Variants in ZNF157 observed in about 807,000 individuals in gnomAD.
ZNF157 encodes zinc finger protein 22.
A neutral mutation model predicts 9.4 loss-of-function variants in ZNF157; 8 were observed. The ratio of observed to expected loss-of-function variants is 0.85; its 90% CI spans 0.50 to 1.53. ZNF157 has a LOEUF of 1.53. Among genes scored for constraint, ZNF157 ranks in the 40% most tolerant of loss-of-function variants. The probability of loss-of-function intolerance (pLI) is 0.00; values close to 1 mark genes in which losing one functional copy is unlikely to be tolerated. For synonymous variants in ZNF157, 120 were observed against 130.8 expected, an observed-to-expected ratio of 0.92 and a Z score of 0.56; for missense variants, 316 against 385.2, an observed-to-expected ratio of 0.82 and a Z score of 1.50.
rs773931450 is a variant in ZNF157, at chrX:47,370,640, C to T, written c.-29C>T. ...TCTACACACAGACAGCTGTCCAGCA[C>T]GGAAGGTGGGCTGAGGCCCAGGGTG... is the stretch of plus-strand genomic sequence containing the variant. On this transcript the variant is annotated 5_prime_UTR_variant, in exon 1 of 4. In the 5' UTR this introduces an upstream ATG that the reference lacks. Transcript: ENST00000377073. The T allele has an allele frequency of 1.8e-5, 21 of 1,191,434 alleles. No individual in the cohort carries two copies. The highest frequency in any genetic ancestry group is 1.1e-4 in the African/African-American group (6 of 56,322).
At chrX:47,410,825 C>A in intron 3 of ZNF157, 50 bp downstream of exon 3, 1 of 1,018,646 alleles carries the variant, frequency 9.8e-7, no homozygotes, top group Non-Finnish European at 1.4e-6. Context: ...GAAATAAGAG[C>A]CCAGGAATTC....
intron 1 of ZNF157, among the ~76,000 whole-genome samples, chrX:47,376,503 C>T (rs989038496): frequency 9.0e-5 from 10 of 110,844 alleles, no homozygotes; most frequent in Non-Finnish European, 1.1e-4. Context: ...GTAATCCCAG[C>T]TACTTGAGAG....
intron 1 of ZNF157, among the ~76,000 whole-genome samples, chrX:47,383,233 G>T (rs1243817122): frequency 9.3e-6 from 1 of 107,149 alleles, no homozygotes; most frequent in Non-Finnish European, 1.9e-5. Flanking sequence ...TTAGCCAGGC[G>T]TGGTGGCGGG....
In ZNF157 at chrX:47,413,134, G is replaced by A; in HGVS notation, c.1061G>A (p.Gly354Asp). The change falls in exon 4 of 4, where the codon GGT becomes GAT. Residue 354 changes from glycine to aspartate, a missense_variant. Around this residue, in one of 3 missense-constraint regions of ZNF157, gnomAD observed 167 missense variants for 183.6 expected, o/e 0.91. Transcript: ENST00000377073. ...TLNNHQRTHT[G>D]EKPYQCNECG... ...AATAATCATCAAAGAACTCACACAG[G>A]TGAAAAGCCCTATCAGTGTAATGAA... 10 of 1,211,605 alleles carry A rather than the reference G, an allele frequency of 8.3e-6. No homozygotes were observed. The highest frequency in any genetic ancestry group is 1.1e-5 in the Non-Finnish European group (10 of 895,299).
In ZNF157 at chrX:47,409,648, CT is replaced by C. The variant is rs1299438856; in HGVS notation, c.73-615del. ...ATGAGCCACCATGCCCAGCCAGCTT[CT>C]TTTTTTTTTTTTGAGACGGAGTCTT... On this transcript the variant is annotated intron_variant, in intron 1 of 3. Coordinates refer to ENST00000377073, the MANE Select transcript of ZNF157 (RefSeq NM_003446.4). 1.6e-3 allele frequency among the ~76,000 whole-genome samples: 156 copies of C among 98,029 alleles called. 1 individual carries two copies. Among genetic ancestry groups the C allele is most frequent in the Admixed American group, 1.6e-3 (14 of 8,986 alleles). 85.1% of individuals were successfully genotyped at this position (98,029 alleles called of 115,157 possible).
intron 1 of ZNF157, among the ~76,000 whole-genome samples, chrX:47,409,983 C>T (rs150848098): frequency 0.032 from 3,561 of 111,672 alleles, 156 homozygotes; most frequent in African/African-American, 0.11. Flanking sequence ...AACTTGCACA[C>T]GTCCAGGCAC....
chrX:47,400,929 C>A (rs2055928750), intron 1 of ZNF157, among the ~76,000 whole-genome samples: 2 of 111,731 alleles, frequency 1.8e-5, no homozygotes, highest in South Asian at 3.7e-4. Flanking sequence ...AGTACTGGGA[C>A]TATAGGCATG....
chrX:47,412,317 C>T, intron 3 of ZNF157, 52 bp from the exon 4 acceptor site: 1 of 1,030,444 alleles, frequency 9.7e-7, no homozygotes, highest in Non-Finnish European at 1.3e-6. Context: ...ACAAGAGAAG[C>T]CAGTTTGGGA....
Position 47,370,585 on chromosome X carries a change from C to A in ZNF157, c.-84C>A, listed in dbSNP as rs1350759342. 6 of 829,885 alleles carry A rather than the reference C, an allele frequency of 7.2e-6. No individual in the cohort carries two copies. The highest frequency in any genetic ancestry group is 1.0e-5 in the Non-Finnish European group (6 of 591,058). 68.4% of individuals were successfully genotyped at this position (829,885 alleles called of 1,213,427 possible). ...TTGGTGTCTCTGTGGAGCCATTGAG[C>A]CTTACCCCTTACTGGAGGCTGCAGG... On this transcript the variant is annotated 5_prime_UTR_variant, in exon 1 of 4. Coordinates refer to ENST00000377073, the MANE Select transcript of ZNF157 (RefSeq NM_003446.4).
chrX:47,386,020 G>T (rs1181334394), intron 1 of ZNF157, among the ~76,000 whole-genome samples: 3 of 110,900 alleles, frequency 2.7e-5, no homozygotes, highest in African/African-American at 9.8e-5. Flanking sequence ...GTTCTTGCTT[G>T]TTCTCTTCTG....
chrX:47,375,987 T>C (rs1228680115), intron 1 of ZNF157, among the ~76,000 whole-genome samples: 1 of 112,253 alleles, frequency 8.9e-6, no homozygotes, highest in African/African-American at 3.2e-5. Flanking sequence ...TGAGCTATTA[T>C]GCCAGGTCTA....
Position 47,397,704 on chromosome X carries a change from C to T in ZNF157, c.73-12572C>T, listed in dbSNP as rs139585072. On this transcript the variant is annotated intron_variant, in intron 1 of 3. Transcript: ENST00000377073. ...TGCTGGGATTACAGGCGTGAGCCAC[C>T]GTGCCCTGCTGCAAGCCAATTTCAT... Among the ~76,000 whole-genome samples, 68 of 111,773 alleles carry T rather than the reference C, an allele frequency of 6.1e-4. No homozygotes were observed. In the East Asian group the frequency reaches 0.013, roughly 22 times the overall value.
chrX:47,385,722 T>C (rs5953037), intron 1 of ZNF157, among the ~76,000 whole-genome samples: 33,215 of 108,992 alleles, frequency 0.3, 3,726 homozygotes, highest in Middle Eastern at 0.5. Flanking sequence ...TGCGTGCCAC[T>C]ACGCCCAGCT....
intron 1 of ZNF157, among the ~76,000 whole-genome samples, chrX:47,371,119 C>T (rs1398303165): frequency 9.0e-6 from 1 of 111,348 alleles, no homozygotes; most frequent in Non-Finnish European, 1.9e-5. Flanking sequence ...GGGTGGATCA[C>T]TTGCGGCCAG....
chrX:47,382,457 G>A (rs1802824000), intron 1 of ZNF157, among the ~76,000 whole-genome samples: 1 of 106,381 alleles, frequency 9.4e-6, no homozygotes, highest in African/African-American at 3.4e-5. Context: ...CTGACCTCGT[G>A]ATCCGCCCAC....
At chrX:47,392,178 C>G (rs1294233420) in intron 1 of ZNF157, 1 of 120,199 alleles carries the variant, frequency 8.3e-6, no homozygotes, top group Admixed American at 8.4e-5. Context: ...CGTGAGCCAC[C>G]GTGCCCGGCC....
chrX:47,393,734 T>TCCC (rs1292286182), intron 1 of ZNF157, among the ~76,000 whole-genome samples: 1 of 21,602 alleles, frequency 4.6e-5, no homozygotes, highest in Non-Finnish European at 8.0e-5. Flanking sequence ...CCCGCCACCC[T>TCCC]CCCCCGCCCT....
intron 1 of ZNF157, among the ~76,000 whole-genome samples, chrX:47,382,165 A>T (rs2055865247): frequency 9.1e-6 from 1 of 110,313 alleles, no homozygotes; most frequent in African/African-American, 3.3e-5. Context: ...AAGCAATCAG[A>T]TACCCATTTG....
At chrX:47,393,244 T>C (rs1183045983) in intron 1 of ZNF157, among the ~76,000 whole-genome samples, 3 of 112,192 alleles carry the variant, frequency 2.7e-5, no homozygotes, top group Non-Finnish European at 5.6e-5. Context: ...GGAGTCATTC[T>C]TCCTTTGTGT....
Sources: gnomAD v4.1 joint callset for allele counts (sites outside exome capture counted in the v4.1 genomes callset) on GRCh38, gnomAD v4.1.1 for gene constraint, gnomAD v4.1.1 regional missense constraint, MANE v1.5 for transcripts, NCBI Gene and HGNC (gene_info 2026-07-23, HGNC 2026-07-21) for gene names.